Variants in NRDC observed in about 807,000 individuals in gnomAD.
The protein encoded by NRDC is nardilysin.
In NRDC, 54 loss-of-function variants were observed where a neutral mutation model predicts 147.1. That is an observed-to-expected ratio of 0.37 (90% CI 0.29 to 0.46). The LOEUF (loss-of-function observed/expected upper bound fraction) is 0.46. Ranked by LOEUF, NRDC falls within the 20% of genes least tolerant of loss-of-function variation. The pLI is 1.00. For missense variants in NRDC, 1,082 were observed against 1,370.6 expected, an observed-to-expected ratio of 0.79 and a Z score of 3.33; for synonymous variants, 440 against 482.1, an observed-to-expected ratio of 0.91 and a Z score of 1.14.
chr1:51,820,713 A>AT (rs1467947898), intron 8 of NRDC, among the ~76,000 whole-genome samples: 1 of 152,156 alleles, frequency 6.6e-6, no homozygotes, highest in Non-Finnish European at 1.5e-5. Context: ...TTATTCTAAC[A>AT]TTTTATGCTG....
At chr1:51,791,028 C>T (rs372696650) in intron 27 of NRDC, 38 bp from the exon 28 acceptor site, 6 of 1,430,852 alleles carry the variant, frequency 4.2e-6, no homozygotes, top group Non-Finnish European at 5.9e-6. Context: ...TAAAACAAAA[C>T]ATCTTCAATT....
intron 29 of NRDC, 150 bp downstream of exon 29, chr1:51,790,383 C>T: frequency 1.5e-6 from 1 of 666,646 alleles, no homozygotes; most frequent in South Asian, 1.8e-5. Context: ...AGAGGCCAGT[C>T]TGAAAACTCA....
intron 1 of NRDC, among the ~76,000 whole-genome samples, chr1:51,851,162 A>C (rs1467335280): frequency 6.6e-6 from 1 of 152,048 alleles, no homozygotes; most frequent in Admixed American, 6.5e-5. Flanking sequence ...ATTAGAAATA[A>C]ATCACCTGAG....
At chr1:51,878,094 T>C (rs1683421197) in intron 1 of NRDC, 181 bp downstream of exon 1, 1 of 1,420,372 alleles carries the variant, frequency 7.0e-7, no homozygotes, top group Non-Finnish European at 9.2e-7. Context: ...ATCTCCCACT[T>C]GCCCAGCTGA....
intron 22 of NRDC, among the ~76,000 whole-genome samples, chr1:51,795,891 A>G (rs767433060): frequency 1.9e-4 from 29 of 150,056 alleles, no homozygotes; most frequent in Non-Finnish European, 3.2e-4. Context: ...TTAAACAAAC[A>G]AAAAAAAACA....
intron 10 of NRDC, 145 bp downstream of exon 10, chr1:51,817,921 T>C: frequency 3.3e-6 from 2 of 607,998 alleles, no homozygotes; most frequent in South Asian, 2.2e-5. Context: ...ATAGCAAGGC[T>C]TGAAAGCTCC....
intron 15 of NRDC, among the ~76,000 whole-genome samples, chr1:51,811,733 A>C (rs1182937660): frequency 6.6e-6 from 1 of 152,220 alleles, no homozygotes; most frequent in African/African-American, 2.4e-5. Context: ...CTATTGCAGT[A>C]GATGTTTCAA....
intron 26 of NRDC, 50 bp downstream of exon 26, chr1:51,791,996 G>A: frequency 6.3e-7 from 1 of 1,591,792 alleles, no homozygotes; most frequent in African/African-American, 1.3e-5. Context: ...AGCCTGCAAA[G>A]TAAGCCCTAG....
intron 1 of NRDC, among the ~76,000 whole-genome samples, chr1:51,874,943 C>T (rs1683250992): frequency 6.6e-6 from 1 of 152,194 alleles, no homozygotes; most frequent in Admixed American, 6.5e-5. Flanking sequence ...TAAATGGGTC[C>T]TCCTCTGGTA....
chr1:51,865,826 C>A (rs535347580), intron 1 of NRDC, among the ~76,000 whole-genome samples: 1 of 151,270 alleles, frequency 6.6e-6, no homozygotes, highest in Non-Finnish European at 1.5e-5. Context: ...GCCAAGAGGG[C>A]GGATCAGGAG....
intron 1 of NRDC, among the ~76,000 whole-genome samples, chr1:51,847,655 A>G (rs1423156745): frequency 6.6e-6 from 1 of 152,056 alleles, no homozygotes; most frequent in Non-Finnish European, 1.5e-5. Context: ...GCCAGCGGCC[A>G]CTCTGAGTGC....
chr1:51,872,522 G>A (rs542188827), intron 1 of NRDC, among the ~76,000 whole-genome samples: 32 of 152,234 alleles, frequency 2.1e-4, no homozygotes, highest in African/African-American at 7.0e-4. Context: ...GGGCAACAGA[G>A]CGAAACCCAA....
At chr1:51,859,120 C>T (rs1245775072) in intron 1 of NRDC, among the ~76,000 whole-genome samples, 2 of 152,068 alleles carry the variant, frequency 1.3e-5, no homozygotes, top group Admixed American at 6.6e-5. Context: ...TTTAAGGTTG[C>T]CTAGCTAACA....
chr1:51,826,700 A>G (rs889726822), intron 5 of NRDC, among the ~76,000 whole-genome samples: 1 of 152,204 alleles, frequency 6.6e-6, no homozygotes, highest in African/African-American at 2.4e-5. Context: ...GATCATGAAC[A>G]AAAGCACAAC....
At chr1:51,837,995 C>T (rs1325219084) in intron 2 of NRDC, among the ~76,000 whole-genome samples, 1 of 152,192 alleles carries the variant, frequency 6.6e-6, no homozygotes, top group East Asian at 1.9e-4. Flanking sequence ...CCACCTCTTA[C>T]CAAGGCTAAT....
intron 1 of NRDC, among the ~76,000 whole-genome samples, chr1:51,842,291 CTG>C (rs1681310762): frequency 6.6e-6 from 1 of 150,850 alleles, no homozygotes; most frequent in African/African-American, 2.4e-5. Context: ...GGAAAGGACA[CTG>C]TTAGCAGATT....
intron 14 of NRDC, among the ~76,000 whole-genome samples, chr1:51,812,357 G>A (rs1419557010): frequency 6.6e-6 from 1 of 152,106 alleles, no homozygotes; most frequent in Admixed American, 6.5e-5. Context: ...GCGAAACCCT[G>A]TCTTTACAAA....
chr1:51,816,536 A>T, intron 10 of NRDC, 147 bp from the exon 11 acceptor site: 1 of 418,216 alleles, frequency 2.4e-6, no homozygotes, highest in Non-Finnish European at 4.3e-6. Context: ...TAATTAATTT[A>T]GTAGCAGGAA....
At chr1:51,798,700 A>C in intron 21 of NRDC, 1 of 290,100 alleles carries the variant, frequency 3.4e-6, no homozygotes, top group Non-Finnish European at 6.5e-6. Context: ...AGTCAAGTTT[A>C]CTTAGTTGTA....
Sources: gnomAD v4.1 joint callset for allele counts (sites outside exome capture counted in the v4.1 genomes callset) on GRCh38, gnomAD v4.1.1 for gene constraint, MANE v1.5 for transcripts, NCBI Gene and HGNC (gene_info 2026-07-23, HGNC 2026-07-21) for gene names.